The following TPRG1 variants were observed in gnomAD, a reference collection of about 807,000 sequenced individuals.
TPRG1 encodes the protein tumor protein p63-regulated gene 1 protein.
Under a neutral mutation model 29.3 loss-of-function variants are expected in TPRG1, and 29 were observed. The ratio of observed to expected loss-of-function variants is 0.99; its 90% CI spans 0.74 to 1.35. TPRG1 has a LOEUF of 1.35. TPRG1 is among the 40% of genes most tolerant of loss of function. The probability of loss-of-function intolerance (pLI) is 0.00; values close to 1 mark genes in which losing one functional copy is unlikely to be tolerated. For missense variants in TPRG1, 327 were observed against 335.0 expected, an observed-to-expected ratio of 0.98 and a Z score of 0.19; for synonymous variants, 130 against 116.8, an observed-to-expected ratio of 1.11 and a Z score of -0.73.
rs35367828 is a variant in TPRG1, at chr3:189,204,037, CAAAAAA to C, written c.-9-3319_-9-3314del. ...GCCTGGTGACAGAGCGAGACTGTCTCAAAAAAAAAAAAAAAAAAAAAAAAACTGAAC... is the reference window on the plus strand; with the variant it reads ...GCCTGGTGACAGAGCGAGACTGTCTCAAAAAAAAAAAAAAAAAAACTGAAC... On this transcript the variant is annotated intron_variant, in intron 1 of 5. Transcript: ENST00000345063. Among the ~76,000 whole-genome samples, 9 of 87,922 alleles carry C rather than the reference CAAAAAA, an allele frequency of 1.0e-4. 1 individual carries two copies. The East Asian group carries it at 1.9e-3, about 18-fold the overall frequency. 57.7% of individuals were successfully genotyped at this position (87,922 alleles called of 152,430 possible).
chr3:189,070,434 G>C (rs1578284004), intron 4 of TPRG1, among the ~76,000 whole-genome samples: 1 of 120,588 alleles, frequency 8.3e-6, no homozygotes. Flanking sequence ...ATAAAAATAA[G>C]TATAAGTCCC....
chr3:189,185,532 A>G (rs903487312), intron 1 of TPRG1, among the ~76,000 whole-genome samples: 1 of 152,138 alleles, frequency 6.6e-6, no homozygotes, highest in African/African-American at 2.4e-5. Context: ...AGCCTGGCTC[A>G]GTTATTTGAA....
chr3:189,221,931 C>T (rs186816383), intron 3 of TPRG1, among the ~76,000 whole-genome samples: 3 of 152,160 alleles, frequency 2.0e-5, no homozygotes, highest in South Asian at 2.1e-4. Flanking sequence ...TCTCCCAGGC[C>T]AGTTGTCTTC....
At chr3:189,150,458 G>A (rs759284122) in intron 4 of TPRG1, among the ~76,000 whole-genome samples, 2 of 152,180 alleles carry the variant, frequency 1.3e-5, no homozygotes, top group Non-Finnish European at 2.9e-5. Flanking sequence ...TGGGATTACA[G>A]GCATGAGCCA....
intron 1 of TPRG1, among the ~76,000 whole-genome samples, chr3:189,189,102 T>C (rs1560530015): frequency 6.6e-6 from 1 of 152,226 alleles, no homozygotes; most frequent in Non-Finnish European, 1.5e-5. Flanking sequence ...TATTTGTTAC[T>C]TTTTATAACA....
intron 5 of TPRG1, among the ~76,000 whole-genome samples, chr3:189,318,175 T>G (rs1227606954): frequency 6.6e-6 from 1 of 152,088 alleles, no homozygotes. Flanking sequence ...GGGAGGAGGA[T>G]AGGGAGGCTG....
chr3:189,204,037 CAAAAAAA>C (rs35367828), intron 1 of TPRG1, among the ~76,000 whole-genome samples: 1 of 87,914 alleles, frequency 1.1e-5, no homozygotes, highest in Non-Finnish European at 2.3e-5. Context: ...GAGACTGTCT[CAAAAAAA>C]AAAAAAAAAA....
chr3:189,115,061 G>A (rs774037461), intron 1 of TPRG1, among the ~76,000 whole-genome samples: 5 of 152,212 alleles, frequency 3.3e-5, no homozygotes, highest in Non-Finnish European at 7.3e-5. Flanking sequence ...CTTGATCCCA[G>A]GACACACAAG....
chr3:189,221,395 T>C (rs1473607130), intron 3 of TPRG1, among the ~76,000 whole-genome samples: 1 of 152,214 alleles, frequency 6.6e-6, no homozygotes, highest in Non-Finnish European at 1.5e-5. Flanking sequence ...CCTTCCACTG[T>C]TGTGCAAAGA....
In TPRG1 at chr3:189,238,766, TCTACTGGTC is replaced by T; in HGVS notation, c.337_345del (p.Leu113_Val115del). The T allele has an allele frequency of 6.2e-7, 1 of 1,613,232 alleles. No homozygotes were observed. Among genetic ancestry groups the T allele is most frequent in the Non-Finnish European group, 8.5e-7 (1 of 1,179,420 alleles). ...ACTGGAACAATGAGAAGGAGAGAAT[TCTACTGGTC>T]ACAGACAAGACTCTCTTGATCTGCA... On this transcript the variant is annotated inframe_deletion, in exon 4 of 6. Coordinates refer to ENST00000345063, the MANE Select transcript of TPRG1 (RefSeq NM_198485.4).
chr3:189,317,573 C>A (rs1723735658), intron 5 of TPRG1, among the ~76,000 whole-genome samples: 1 of 152,134 alleles, frequency 6.6e-6, no homozygotes, highest in African/African-American at 2.4e-5. Flanking sequence ...CTATAAATTT[C>A]AGAGAGGTTG....
At chr3:189,176,856 A>G (rs1729552809) in intron 1 of TPRG1, among the ~76,000 whole-genome samples, 1 of 152,232 alleles carries the variant, frequency 6.6e-6, no homozygotes, top group Non-Finnish European at 1.5e-5. Context: ...AACAGGGAAA[A>G]GTGATAATGC....
chr3:189,154,831 C>T lies in TPRG1; in HGVS notation c.-10+3959C>T, dbSNP rs188946405. Among the ~76,000 whole-genome samples, 15 of 152,090 alleles carry T rather than the reference C, an allele frequency of 9.9e-5. No individual in the cohort carries two copies. The East Asian group carries it at 1.9e-3, about 20-fold the overall frequency. On this transcript the variant is annotated intron_variant, in intron 5 of 6. Coordinates refer to the TPRG1 transcript ENST00000412373. ...TAAATAAAACACATAGTACATCAGACGGTGACAAATATTAGAAAGAAAAAA... is the reference window on the plus strand; with the variant it reads ...TAAATAAAACACATAGTACATCAGATGGTGACAAATATTAGAAAGAAAAAA...
chr3:189,289,095 A>C (rs1718562466), intron 4 of TPRG1, among the ~76,000 whole-genome samples: 2 of 152,182 alleles, frequency 1.3e-5, no homozygotes, highest in Admixed American at 1.3e-4. Context: ...GAGTGATGGG[A>C]AACACACTGC....
At chr3:189,191,155 C>A (rs944299185) in intron 1 of TPRG1, among the ~76,000 whole-genome samples, 1 of 152,122 alleles carries the variant, frequency 6.6e-6, no homozygotes. Context: ...TTCATATGTG[C>A]ACATATCTTT....
chr3:189,095,621 A>G (rs1718624496), upstream of TPRG1, among the ~76,000 whole-genome samples: 5 of 152,112 alleles, frequency 3.3e-5, no homozygotes, highest in South Asian at 1.0e-3. Flanking sequence ...TATACTCTGT[A>G]CTTAGGTTAG....
At chr3:189,291,559 A>G (rs1415540688) in intron 4 of TPRG1, among the ~76,000 whole-genome samples, 1 of 152,188 alleles carries the variant, frequency 6.6e-6, no homozygotes, top group Non-Finnish European at 1.5e-5. Context: ...ATGAATGGAT[A>G]TGATACTATT....
chr3:189,020,001 T>C (rs1322849016), intron 3 of TPRG1, among the ~76,000 whole-genome samples: 1 of 151,390 alleles, frequency 6.6e-6, no homozygotes, highest in African/African-American at 2.4e-5. Context: ...TTCTTCTAGA[T>C]TTTCTAGTTT....
intron 4 of TPRG1, among the ~76,000 whole-genome samples, chr3:189,277,469 G>C (rs1300762058): frequency 2.0e-5 from 3 of 152,070 alleles, no homozygotes; most frequent in Non-Finnish European, 4.4e-5. Context: ...AATAAATACA[G>C]CTCTATGCTA....
Sources: gnomAD v4.1 joint callset for allele counts (sites outside exome capture counted in the v4.1 genomes callset) on GRCh38, gnomAD v4.1.1 for gene constraint, MANE v1.5 for transcripts, NCBI Gene and HGNC (gene_info 2026-07-23, HGNC 2026-07-21) for gene names.